Variants in HACD2 observed in about 807,000 individuals in gnomAD.
HACD2 encodes very-long-chain (3R)-3-hydroxyacyl-CoA dehydratase 2.
In HACD2, 15 loss-of-function variants were observed where a neutral mutation model predicts 31.0. The ratio of observed to expected loss-of-function variants is 0.48; its 90% confidence interval spans 0.32 to 0.75. The LOEUF (loss-of-function observed/expected upper bound fraction) is 0.75. HACD2 is among the 30% of genes least tolerant of loss of function. HACD2 has a pLI of 0.03. For missense variants in HACD2, 283 were observed against 313.0 expected (o/e 0.90, Z 0.72); for synonymous variants, 115 against 122.2 (o/e 0.94, Z 0.39).
intron 3 of HACD2, among the ~76,000 whole-genome samples, chr3:123,555,539 T>C (rs1219592412): frequency 2.0e-5 from 3 of 152,150 alleles, no homozygotes; most frequent in African/African-American, 4.8e-5. Context: ...AAACAGAGAA[T>C]TGCTATGTGA....
At chr3:123,574,194 T>G (rs1446332855) in intron 2 of HACD2, among the ~76,000 whole-genome samples, 1 of 152,246 alleles carries the variant, frequency 6.6e-6, no homozygotes, top group Non-Finnish European at 1.5e-5. Context: ...TTCACCAACA[T>G]GTGTCTCCCA....
intron 4 of HACD2, 134 bp from the exon 5 acceptor site, chr3:123,502,815 A>C (rs2055921219): frequency 1.1e-6 from 1 of 872,590 alleles, no homozygotes. Context: ...TGTATGGCAG[A>C]AAGAGCTTGC....
chr3:123,553,098 A>G (rs2056637157), intron 3 of HACD2, among the ~76,000 whole-genome samples: 1 of 152,218 alleles, frequency 6.6e-6, no homozygotes, highest in Non-Finnish European at 1.5e-5. Flanking sequence ...CCAAATCTAC[A>G]TACTGAAAGG....
chr3:123,569,496 G>A (rs1225608747), intron 2 of HACD2, among the ~76,000 whole-genome samples: 1 of 152,116 alleles, frequency 6.6e-6, no homozygotes, highest in Non-Finnish European at 1.5e-5. Flanking sequence ...TGAGTAGCTG[G>A]GACTACAGGC....
At chr3:123,532,088 T>C (rs1370865145) in intron 3 of HACD2, among the ~76,000 whole-genome samples, 1 of 152,232 alleles carries the variant, frequency 6.6e-6, no homozygotes, top group Non-Finnish European at 1.5e-5. Flanking sequence ...ACCAGCAATA[T>C]ACAAAAGTGC....
intron 3 of HACD2, among the ~76,000 whole-genome samples, chr3:123,545,596 T>C (rs1381341339): frequency 5.4e-5 from 8 of 148,432 alleles, no homozygotes; most frequent in Non-Finnish European, 1.2e-4. Context: ...GTCACCATAT[T>C]GCCAATTCTG....
At chr3:123,541,206 G>A (rs1286811489) in intron 3 of HACD2, among the ~76,000 whole-genome samples, 4 of 152,132 alleles carry the variant, frequency 2.6e-5, no homozygotes, top group Non-Finnish European at 5.9e-5. Flanking sequence ...GAGAGGCGGA[G>A]GTTGCAGTGA....
intron 2 of HACD2, among the ~76,000 whole-genome samples, chr3:123,577,645 G>A (rs1270842360): frequency 6.7e-6 from 1 of 150,350 alleles, no homozygotes; most frequent in Non-Finnish European, 1.5e-5. Context: ...AAAAGAAAGT[G>A]TCTTTGCTAT....
intron 4 of HACD2, among the ~76,000 whole-genome samples, chr3:123,517,145 C>T (rs1399219859): frequency 6.6e-6 from 1 of 152,202 alleles, no homozygotes; most frequent in Non-Finnish European, 1.5e-5. Flanking sequence ...GCTGAGACTC[C>T]ATACAACCTG....
At chr3:123,584,774 C>A in intron 1 of HACD2, 99 bp downstream of exon 1, 1 of 994,158 alleles carries the variant, frequency 1.0e-6, no homozygotes, top group East Asian at 3.3e-5. Context: ...GAATGCACTG[C>A]CTGCGGCGGG....
At position 123,492,541 on chromosome 3, in the gene HACD2, C is replaced by T. The variant is rs2055776726; in HGVS notation, c.*2347G>A. The T allele has an allele frequency of 6.6e-6, 1 of 152,154 alleles. No homozygotes were observed. Among genetic ancestry groups the T allele is most frequent in the Non-Finnish European group, 1.5e-5 (1 of 68,036 alleles). 9.4% of individuals were successfully genotyped at this position (152,154 alleles called of 1,614,324 possible). A position where few individuals can be genotyped will look rare whatever the true frequency, so the allele number is the denominator to read the frequency against. On this transcript the variant is annotated 3_prime_UTR_variant, in exon 7 of 7. Transcript: ENST00000383657. The stretch of plus-strand genomic sequence containing the variant: ...GCCTTACTTATCTGCCATAAGTATT[C>T]TAAATGTTGATGTACAAAAATACAC...
At chr3:123,547,838 T>A (rs2056577632) in intron 3 of HACD2, among the ~76,000 whole-genome samples, 1 of 151,710 alleles carries the variant, frequency 6.6e-6, no homozygotes, top group Non-Finnish European at 1.5e-5. Flanking sequence ...CGGATCTACA[T>A]CCTTTACTTA....
intron 2 of HACD2, among the ~76,000 whole-genome samples, 192 bp downstream of exon 2, chr3:123,582,020 C>A (rs2056971349): frequency 6.6e-6 from 1 of 152,102 alleles, no homozygotes; most frequent in South Asian, 2.1e-4. Flanking sequence ...TTCAAGGTAA[C>A]CTAAGTTAAA....
intron 3 of HACD2, among the ~76,000 whole-genome samples, chr3:123,537,932 T>A (rs764297127): frequency 1.9e-4 from 29 of 152,244 alleles, no homozygotes; most frequent in Non-Finnish European, 1.6e-4. Flanking sequence ...AGCAAAAAGA[T>A]AATTCTAAAA....
At position 123,584,982 on chromosome 3, in the gene HACD2, C is replaced by G; in HGVS notation, c.46G>C (p.Gly16Arg). 1 of 1,526,034 alleles carries G rather than the reference C, an allele frequency of 6.6e-7. No individual in the cohort carries two copies. Among genetic ancestry groups the G allele is most frequent in the South Asian group, 1.2e-5 (1 of 81,906 alleles). 94.5% of individuals were successfully genotyped at this position (1,526,034 alleles called of 1,614,324 possible). Residue 16 changes from glycine to arginine, a missense_variant, in exon 1 of 7, where the codon GGC becomes CGC. By Grantham distance (125) the Gly-to-Arg change is moderately radical (BLOSUM62 -2). This residue lies in a region of HACD2 where 158 missense variants were observed against 148.3 expected (regional missense o/e 1.07). Coordinates refer to ENST00000383657, the MANE Select transcript of HACD2 (RefSeq NM_198402.5). ...TCCCCGGCCCCGGCCCTGCCACCGCCGCCCCCATTCCCCTTCGCTGCTGCA... is the reference window on the plus strand; with the variant it reads ...TCCCCGGCCCCGGCCCTGCCACCGCGGCCCCCATTCCCCTTCGCTGCTGCA... The part of the protein sequence containing the change: ...ATAAAKGNGG[G>R]GGRAGAGDAS...
intron 3 of HACD2, among the ~76,000 whole-genome samples, chr3:123,561,011 A>T (rs2056722644): frequency 6.6e-6 from 1 of 152,218 alleles, no homozygotes; most frequent in South Asian, 2.1e-4. Flanking sequence ...TTTTAAAAAT[A>T]AGTGATGGCA....
intron 4 of HACD2, among the ~76,000 whole-genome samples, chr3:123,512,103 T>C (rs1320447812): frequency 6.6e-6 from 1 of 152,172 alleles, no homozygotes; most frequent in East Asian, 1.9e-4. Flanking sequence ...TCTTTTCAAA[T>C]CATTCAGCCT....
At position 123,494,217 on chromosome 3, in the gene HACD2, T is replaced by C. The variant is rs2055804266; in HGVS notation, c.*671A>G. 6.6e-6 allele frequency: 1 copy of C among 152,610 alleles called. No individual in the cohort carries two copies. Among genetic ancestry groups the C allele is most frequent in the Non-Finnish European group, 1.5e-5 (1 of 68,362 alleles). 9.5% of individuals were successfully genotyped at this position (152,610 alleles called of 1,614,324 possible). A position where few individuals can be genotyped will look rare whatever the true frequency, so the allele number is the denominator to read the frequency against. On this transcript the variant is annotated 3_prime_UTR_variant, in exon 7 of 7. Coordinates refer to ENST00000383657, the MANE Select transcript of HACD2 (RefSeq NM_198402.5). ...TTCTTTACGGTACACACATACTTAT[T>C]AGATTCAAGCACGTTTCTTAGTGGC...
At chr3:123,578,283 T>G (rs1294550884) in intron 2 of HACD2, among the ~76,000 whole-genome samples, 1 of 152,206 alleles carries the variant, frequency 6.6e-6, no homozygotes, top group South Asian at 2.1e-4. Flanking sequence ...GATACTTTTT[T>G]TTTTGGAAAT....
Sources: allele counts gnomAD v4.1 joint callset (sites outside exome capture counted in the v4.1 genomes callset), GRCh38; gene constraint gnomAD v4.1.1; regional missense constraint gnomAD v4.1.1; transcripts MANE v1.5; gene names NCBI Gene and HGNC (gene_info 2026-07-23, HGNC 2026-07-21).